Variants in PARP9 observed in about 807,000 individuals in gnomAD.
PARP9 encodes poly(ADP-ribose) polymerase family member 9, also known as protein mono-ADP-ribosyltransferase PARP9.
Under a neutral mutation model 68.8 loss-of-function variants are expected in PARP9, and 48 were observed. The ratio of observed to expected loss-of-function variants is 0.70; its 90% confidence interval spans 0.55 to 0.89. The LOEUF (loss-of-function observed/expected upper bound fraction) is 0.89. Among genes scored for constraint, PARP9 ranks in the 40% least tolerant of loss-of-function variants. The pLI, the probability that PARP9 is intolerant of heterozygous loss-of-function variation, is 0.00. For missense variants in PARP9, 806 were observed against 969.3 expected, an observed-to-expected ratio of 0.83 and a Z score of 2.24; for synonymous variants, 309 against 333.8, an observed-to-expected ratio of 0.93 and a Z score of 0.81.
At chr3:122,535,843 CAAAAAA>C in intron 10 of PARP9, 58 of 975,530 alleles carry the variant, frequency 5.9e-5, no homozygotes, top group Middle Eastern at 4.9e-4. Flanking sequence ...ATAAGTAAGG[CAAAAAA>C]AAAAAAAAAA....
At chr3:122,542,418 T>C (rs1354344348) in intron 7 of PARP9, among the ~76,000 whole-genome samples, 2 of 151,814 alleles carry the variant, frequency 1.3e-5, no homozygotes, top group African/African-American at 4.8e-5. Context: ...ATACTAATTT[T>C]TTTTTTGAGA....
At chr3:122,558,240 T>C (rs1421346107) in intron 3 of PARP9, 194 bp downstream of exon 3, 1 of 1,447,810 alleles carries the variant, frequency 6.9e-7, no homozygotes, top group African/African-American at 1.4e-5. Context: ...AGGAATGGTG[T>C]AGGCCTTGAG....
chr3:122,550,536 A>C, intron 6 of PARP9, 48 bp downstream of exon 6: 8 of 1,401,292 alleles, frequency 5.7e-6, no homozygotes, highest in African/African-American at 4.3e-5. Context: ...TTGCTGAATG[A>C]ATGAATGAAT....
chr3:122,540,384 C>G, intron 8 of PARP9, 88 bp downstream of exon 8: 1 of 1,479,396 alleles, frequency 6.8e-7, no homozygotes, highest in Non-Finnish European at 9.1e-7. Flanking sequence ...CCTTCTGTCT[C>G]TTACCCACAT....
intron 10 of PARP9, chr3:122,535,216 T>TCACTTTCCTGATTGCCCCAAAAGG (rs2077555735): frequency 1.0e-6 from 1 of 985,316 alleles, no homozygotes; most frequent in Admixed American, 6.1e-5. Flanking sequence ...ATACTGATCA[T>TCACTTTCCTGATTGCCCCAAAAGG]CACTTTCCTG....
intron 7 of PARP9, among the ~76,000 whole-genome samples, chr3:122,544,977 G>T (rs552078130): frequency 1.3e-5 from 2 of 152,292 alleles, no homozygotes; most frequent in South Asian, 4.1e-4. Flanking sequence ...GCGTTTGTTT[G>T]TTTTTTAAAG....
chr3:122,535,949 C>T, intron 10 of PARP9: 1 of 1,421,024 alleles, frequency 7.0e-7, no homozygotes, highest in Non-Finnish European at 9.2e-7. Flanking sequence ...CACTTTTCAT[C>T]AATGTAAAAT....
chr3:122,559,657 C>G lies in PARP9; in HGVS notation c.-37G>C. ...CCGGGGGAGTCTTTAAATGTTTATT[C>G]CCTTTTGCGCTTCAAAGCATAGACT... On this transcript the variant is annotated 5_prime_UTR_variant, in exon 2 of 11. Transcript: ENST00000682323. 1 of 1,566,776 alleles carries G rather than the reference C, an allele frequency of 6.4e-7. No homozygotes were observed. Among genetic ancestry groups the G allele is most frequent in the Non-Finnish European group, 8.6e-7 (1 of 1,158,604 alleles).
chr3:122,561,704 T>A (rs974630725), intron 1 of PARP9, among the ~76,000 whole-genome samples: 1 of 152,224 alleles, frequency 6.6e-6, no homozygotes, highest in Non-Finnish European at 1.5e-5. Context: ...CCCAGGATTC[T>A]GTCTAAGGCG....
chr3:122,562,171 T>TTCTTTTCTTTTCTTC (rs2080270561), intron 1 of PARP9, among the ~76,000 whole-genome samples: 1 of 81,588 alleles, frequency 1.2e-5, no homozygotes, highest in Non-Finnish European at 2.9e-5. Context: ...TTCTTTTCTT[T>TTCTTTTCTTTTCTTC]TCTTTTCTTT....
chr3:122,539,198 T>G (rs2107597322), intron 8 of PARP9, among the ~76,000 whole-genome samples: 1 of 152,332 alleles, frequency 6.6e-6, no homozygotes, highest in East Asian at 1.9e-4. Flanking sequence ...TGACGTTTTC[T>G]TTCTTTGCCT....
chr3:122,537,659 A>C (rs1022801913), intron 8 of PARP9, among the ~76,000 whole-genome samples: 2 of 152,244 alleles, frequency 1.3e-5, no homozygotes, highest in Non-Finnish European at 1.5e-5. Flanking sequence ...TGCTTTTTGT[A>C]AGTGACAAGG....
At chr3:122,548,936 A>G (rs901545621) in intron 6 of PARP9, among the ~76,000 whole-genome samples, 1 of 152,232 alleles carries the variant, frequency 6.6e-6, no homozygotes, top group African/African-American at 2.4e-5. Context: ...TCAGTGAACT[A>G]CAGCTCATTA....
In PARP9 at chr3:122,556,012, C is replaced by T. The variant is rs757523315; in HGVS notation, c.159G>A (p.Lys53=). 2 of 1,613,880 alleles carry T rather than the reference C, an allele frequency of 1.2e-6. No homozygotes were observed. Among genetic ancestry groups the T allele is most frequent in the Non-Finnish European group, 8.5e-7 (1 of 1,179,978 alleles). Residue 53 remains lysine, a synonymous_variant, in exon 4 of 11, where the codon AAG becomes AAA. Coordinates refer to ENST00000682323, the MANE Select transcript of PARP9 (RefSeq NM_001146105.2). ...AGACCAGGGTAGAGATACAGCCAAA[C>T]TTATTCTGGAGGACTTCACACAGCT... The part of the protein sequence containing the change: ...ERQLCEVLQN[K]FGCISTLVSP...
At chr3:122,552,687 T>A in intron 4 of PARP9, 48 bp from the exon 5 acceptor site, 1 of 1,368,666 alleles carries the variant, frequency 7.3e-7, no homozygotes, top group Non-Finnish European at 1.0e-6. Context: ...TCCTTCTTCT[T>A]AAATGACTAA....
rs1181904887 is a variant in PARP9, at chr3:122,555,439, G to T, written c.732C>A (p.Ser244Arg). Residue 244 changes from serine to arginine, a missense_variant, in exon 4 of 11, where the codon AGC becomes AGA. Transcript: ENST00000682323. ...MSNLKEIHLV[S>R]NEDPTVAAFK... ...AGGCAGCAACAGTAGGGTCCTCATTGCTCACCAGGTGAATTTCTTTCAAAT... is the reference window on the plus strand; with the variant it reads ...AGGCAGCAACAGTAGGGTCCTCATTTCTCACCAGGTGAATTTCTTTCAAAT... 1.9e-6 allele frequency: 3 copies of T among 1,613,960 alleles called. No individual in the cohort carries two copies. Among genetic ancestry groups the T allele is most frequent in the Non-Finnish European group, 2.5e-6 (3 of 1,180,016 alleles).
At position 122,534,087 on chromosome 3, in the gene PARP9, G is replaced by T. The variant is rs1026541339; in HGVS notation, c.2080+2081C>A. ...CAAGGCAGTGGCTGTTAAGCTAAGG[G>T]ATAGGGAGAAGGGCAGAGCACACAG... is the stretch of plus-strand genomic sequence containing the variant. On this transcript the variant is annotated intron_variant, in intron 10 of 10. Coordinates refer to ENST00000682323, the MANE Select transcript of PARP9 (RefSeq NM_001146105.2). The T allele has an allele frequency of 6.1e-6, 6 of 982,768 alleles. No homozygotes were observed. In the African/African-American group the frequency reaches 8.7e-5, roughly 14 times the overall value. The allele number at this position is 982,768 out of a possible 1,614,324, so 60.9% of individuals were successfully genotyped here.
chr3:122,539,514 T>A (rs571522062), intron 8 of PARP9, among the ~76,000 whole-genome samples: 2 of 23,206 alleles, frequency 8.6e-5, no homozygotes, highest in Non-Finnish European at 9.4e-5. Flanking sequence ...GGCATTTCTT[T>A]CTTTCTTTCT....
intron 4 of PARP9, among the ~76,000 whole-genome samples, chr3:122,553,193 C>T (rs973002732): frequency 6.6e-6 from 1 of 152,022 alleles, no homozygotes; most frequent in Non-Finnish European, 1.5e-5. Flanking sequence ...GGTTCCCAGA[C>T]CCCCCCACTC....
Sources: gnomAD v4.1 joint callset for allele counts (sites outside exome capture counted in the v4.1 genomes callset) on GRCh38, gnomAD v4.1.1 for gene constraint, MANE v1.5 for transcripts, NCBI Gene and HGNC (gene_info 2026-07-23, HGNC 2026-07-21) for gene names.